Variants in CSMD1 observed in about 807,000 individuals in gnomAD.
CSMD1 encodes CUB and sushi domain-containing protein 1.
A neutral mutation model predicts 417.5 loss-of-function variants in CSMD1; 213 were observed. That is an observed-to-expected ratio of 0.51 (90% CI 0.46 to 0.57). The LOEUF is 0.57. Ranked by LOEUF, CSMD1 falls within the 20% of genes least tolerant of loss-of-function variation. The probability of loss-of-function intolerance (pLI) is 0.00; values close to 1 mark genes in which losing one functional copy is unlikely to be tolerated. For synonymous variants in CSMD1, 2,862 were observed against 1,736.8 expected, an observed-to-expected ratio of 1.65 and a Z score of -16.11; for missense variants, 6,923 against 4,529.7, an observed-to-expected ratio of 1.53 and a Z score of -15.17.
intron 3 of CSMD1, among the ~76,000 whole-genome samples, chr8:4,405,370 T>A (rs140683364): frequency 1.3e-5 from 2 of 152,196 alleles, no homozygotes; most frequent in Non-Finnish European, 2.9e-5. Context: ...TGGTTTAGAT[T>A]CTGGCACAAA....
At chr8:4,918,425 T>C (rs1392096580) in intron 1 of CSMD1, among the ~76,000 whole-genome samples, 1 of 152,224 alleles carries the variant, frequency 6.6e-6, no homozygotes, top group Non-Finnish European at 1.5e-5. Context: ...TATCCTCCTC[T>C]TGTCCTTCTG....
At chr8:3,433,110 G>T (rs957634587) in intron 12 of CSMD1, among the ~76,000 whole-genome samples, 2 of 152,210 alleles carry the variant, frequency 1.3e-5, no homozygotes, top group Non-Finnish European at 2.9e-5. Flanking sequence ...TTTATACAGA[G>T]ATTGGAAGGT....
chr8:3,608,955 T>C (rs1345978872), intron 8 of CSMD1, among the ~76,000 whole-genome samples: 1 of 152,076 alleles, frequency 6.6e-6, no homozygotes, highest in African/African-American at 2.4e-5. Context: ...AGGGCAAATT[T>C]CAACCATACC....
At chr8:3,854,832 A>T (rs552913470) in intron 5 of CSMD1, among the ~76,000 whole-genome samples, 1 of 152,316 alleles carries the variant, frequency 6.6e-6, no homozygotes, top group South Asian at 2.1e-4. Context: ...AACATAACAA[A>T]AACAGGGAAT....
In CSMD1 at chr8:4,354,835, C is replaced by T. The variant is rs1448186974; in HGVS notation, c.415+65118G>A. Among the ~76,000 whole-genome samples, 5 of 148,696 alleles carry T rather than the reference C, an allele frequency of 3.4e-5. No homozygotes were observed. The Admixed American group carries it at 3.4e-4, about 10-fold the overall frequency. On this transcript the variant is annotated intron_variant, in intron 3 of 69. Coordinates refer to ENST00000635120, the MANE Select transcript of CSMD1 (RefSeq NM_033225.6). ...GTATTATACCTGGTTTCTGAGCTCT[C>T]ACTAGAGGGCAGGTAAATGAGGAAA... is the stretch of plus-strand genomic sequence containing the variant.
chr8:4,011,150 C>A (rs964390972), intron 4 of CSMD1, among the ~76,000 whole-genome samples: 2 of 152,128 alleles, frequency 1.3e-5, no homozygotes, highest in Admixed American at 6.5e-5. Flanking sequence ...AATTTTGATG[C>A]CTACTTATAA....
intron 1 of CSMD1, among the ~76,000 whole-genome samples, chr8:4,770,003 G>A (rs539123943): frequency 3.6e-4 from 55 of 151,760 alleles, no homozygotes; most frequent in Non-Finnish European, 4.7e-4. Context: ...CTCCCTTTTT[G>A]CAGAAAGACA....
At chr8:3,700,558 A>T (rs1251126034) in intron 7 of CSMD1, 1 of 152,254 alleles carries the variant, frequency 6.6e-6, no homozygotes, top group African/African-American at 2.4e-5. Context: ...GCTGGTTAGT[A>T]CTTGGATGGG....
chr8:4,312,437 GCGTATATATATA>G lies in CSMD1; in HGVS notation c.415+107504_415+107515del, dbSNP rs1341897471. ...TATATATATGCGCGTATATATATAT[GCGTATATATATA>G]CGTATATATATGCGCGTATATATAT... On this transcript the variant is annotated intron_variant, in intron 3 of 69. Transcript: ENST00000635120. 2.7e-4 allele frequency among the ~76,000 whole-genome samples: 29 copies of G among 107,666 alleles called. No homozygotes were observed. The East Asian group carries it at 5.0e-3, about 18-fold the overall frequency. 70.6% of individuals were successfully genotyped at this position (107,666 alleles called of 152,430 possible). A position where few individuals can be genotyped will look rare whatever the true frequency, so the allele number is the denominator to read the frequency against.
At chr8:3,406,983 G>C (rs1812381257) in intron 14 of CSMD1, among the ~76,000 whole-genome samples, 1 of 152,156 alleles carries the variant, frequency 6.6e-6, no homozygotes, top group Non-Finnish European at 1.5e-5. Context: ...AGATGCATAA[G>C]TGGCTGAGTG....
At chr8:3,716,779 A>T (rs1801866247) in intron 6 of CSMD1, among the ~76,000 whole-genome samples, 1 of 152,162 alleles carries the variant, frequency 6.6e-6, no homozygotes, top group Non-Finnish European at 1.5e-5. Flanking sequence ...AATATGGTTC[A>T]ACTTTCCATT....
intron 1 of CSMD1, among the ~76,000 whole-genome samples, chr8:4,990,959 T>C (rs1316952588): frequency 2.0e-5 from 3 of 152,112 alleles, no homozygotes; most frequent in Non-Finnish European, 4.4e-5. Flanking sequence ...ATGTTTGAAT[T>C]ACTTACTTTA....
At chr8:3,369,889 C>A (rs776331974) in intron 18 of CSMD1, among the ~76,000 whole-genome samples, 1 of 152,182 alleles carries the variant, frequency 6.6e-6, no homozygotes, top group Non-Finnish European at 1.5e-5. Flanking sequence ...AGTTCAAATG[C>A]CAGCTCAGCT....
At chr8:3,097,669 G>A (rs2129011223) in intron 46 of CSMD1, among the ~76,000 whole-genome samples, 1 of 152,068 alleles carries the variant, frequency 6.6e-6, no homozygotes, top group East Asian at 1.9e-4. Context: ...AATTTTAAAT[G>A]TGTTGTTATT....
At chr8:4,748,436 A>G (rs953449213) in intron 1 of CSMD1, among the ~76,000 whole-genome samples, 1 of 152,184 alleles carries the variant, frequency 6.6e-6, no homozygotes, top group Non-Finnish European at 1.5e-5. Context: ...CTGCAGTATC[A>G]TATTTATGAC....
intron 3 of CSMD1, among the ~76,000 whole-genome samples, chr8:4,362,132 A>G (rs1332258411): frequency 1.3e-5 from 2 of 152,250 alleles, no homozygotes; most frequent in South Asian, 2.1e-4. Flanking sequence ...CTTTATAAAA[A>G]TAGAATTATG....
chr8:4,051,654 G>T (rs563798367), intron 3 of CSMD1, among the ~76,000 whole-genome samples: 24 of 152,226 alleles, frequency 1.6e-4, no homozygotes, highest in African/African-American at 4.1e-4. Context: ...ATAAAATGGT[G>T]AGCAGGATAA....
intron 1 of CSMD1, among the ~76,000 whole-genome samples, chr8:4,906,744 G>C (rs1039283469): frequency 2.4e-4 from 36 of 152,070 alleles, no homozygotes; most frequent in Non-Finnish European, 3.8e-4. Context: ...TTTTTTAGTA[G>C]AGACGGGGTT....
chr8:3,554,366 G>A (rs1388282351), intron 10 of CSMD1, among the ~76,000 whole-genome samples: 2 of 152,222 alleles, frequency 1.3e-5, no homozygotes, highest in East Asian at 3.9e-4. Context: ...GGCGAGGGCT[G>A]TGAACCAATT....
Sources: gnomAD v4.1 joint callset for allele counts (sites outside exome capture counted in the v4.1 genomes callset) on GRCh38, gnomAD v4.1.1 for gene constraint, MANE v1.5 for transcripts, NCBI Gene and HGNC (gene_info 2026-07-23, HGNC 2026-07-21) for gene names.